The following CELSR1 variants were observed in gnomAD, a reference collection of about 807,000 sequenced individuals.
CELSR1 encodes the protein adhesion G protein-coupled receptor C1.
Under a neutral mutation model 249.1 loss-of-function variants are expected in CELSR1, and 110 were observed. The ratio of observed to expected loss-of-function variants is 0.44; its 90% CI spans 0.38 to 0.52. The LOEUF is 0.52. Ranked by LOEUF, CELSR1 falls within the 20% of genes least tolerant of loss-of-function variation. The pLI is 0.00. For missense variants in CELSR1, 4,109 were observed against 4,296.4 expected (o/e 0.96, Z 1.22); for synonymous variants, 2,113 against 1,900.0 (o/e 1.11, Z -2.92).
chr22:46,391,203 C>T lies in CELSR1; in HGVS notation c.6233G>A (p.Cys2078Tyr). 1.2e-6 allele frequency: 2 copies of T among 1,613,286 alleles called. No homozygotes were observed. Among genetic ancestry groups the T allele is most frequent in the Non-Finnish European group, 1.7e-6 (2 of 1,179,938 alleles). ...CGACTCACCAACGGATCCCTTAGGGCATGGCACCGCAGCCGGCTGCCCGAA... is the reference window on the plus strand; with the variant it reads ...CGACTCACCAACGGATCCCTTAGGGTATGGCACCGCAGCCGGCTGCCCGAA... ...TKFGQPAAVP[C>Y]PKGSVGNAVR... Residue 2078 changes from cysteine to tyrosine, a missense_variant, in exon 16 of 35, where the codon TGC becomes TAC. Coordinates refer to ENST00000674500, the MANE Select transcript of CELSR1 (RefSeq NM_001378328.1). This position sits in a 1 kb window ranked among gnomAD's most constrained non-coding sequence, Gnocchi z 4.3.
At chr22:46,467,076 G>A (rs1772523831) in intron 1 of CELSR1, among the ~76,000 whole-genome samples, 1 of 152,170 alleles carries the variant, frequency 6.6e-6, no homozygotes, top group African/African-American at 2.4e-5. Context: ...CCATTCTGTG[G>A]TATTTTTAAA....
chr22:46,364,692 T>G lies in CELSR1; in HGVS notation c.8599A>C (p.Ser2867Arg). Reference protein sequence around the residue: ...NHVPAGWPDQSLAESDSEDPS... With the variant: ...NHVPAGWPDQRLAESDSEDPS... ...TCCTCACTGTCACTCTCAGCCAGGC[T>G]CTGGTCGGGCCAGCCGGCCGGAACG... Residue 2867 changes from serine (S) to arginine (R), a missense_variant, in exon 33 of 35, where the codon AGC becomes CGC. By Grantham distance (110) the Ser-to-Arg change is moderately radical. Around this residue, in one of 7 missense-constraint regions of CELSR1, gnomAD observed 1,805 missense variants for 1,831.6 expected, o/e 0.99. Coordinates refer to ENST00000674500, the MANE Select transcript of CELSR1 (RefSeq NM_001378328.1). 1 of 1,612,552 alleles carries G rather than the reference T, an allele frequency of 6.2e-7. No homozygotes were observed. Among genetic ancestry groups the G allele is most frequent in the Non-Finnish European group, 8.5e-7 (1 of 1,179,886 alleles).
intron 24 of CELSR1, 50 bp from the exon 25 acceptor site, chr22:46,373,107 G>A (rs915798398): frequency 1.3e-6 from 2 of 1,517,000 alleles, no homozygotes; most frequent in East Asian, 2.4e-5. Flanking sequence ...CCAGGCTGAG[G>A]TCAGACAGGC....
At chr22:46,369,344 G>A (rs1348908347) in intron 26 of CELSR1, 86 bp from the exon 27 acceptor site, 14 of 1,172,252 alleles carry the variant, frequency 1.2e-5, no homozygotes, top group Non-Finnish European at 1.7e-5. Context: ...CCTTCGCCCT[G>A]TCAGGGAGGG....
At chr22:46,507,093 G>A (rs1401220609) in intron 1 of CELSR1, among the ~76,000 whole-genome samples, 4 of 152,176 alleles carry the variant, frequency 2.6e-5, no homozygotes, top group Admixed American at 6.5e-5. Context: ...GGCTGAGGCT[G>A]GAGGATCGCT....
chr22:46,376,963 A>C, intron 24 of CELSR1, 98 bp downstream of exon 24: 1 of 1,227,592 alleles, frequency 8.1e-7, no homozygotes, highest in Non-Finnish European at 1.2e-6. Context: ...GGTGGTGAGG[A>C]GGAGCTAGCC....
rs912258257 is a variant in CELSR1 at position 46,537,269 on chromosome 22, G to A, written c.-99C>T. ...CGAGGCCGGGGAGCGGCTCCCGGGC[G>A]CCCGGCCCTCGGGGCGGTCCGCGTC... On this transcript the variant is annotated 5_prime_UTR_variant, in exon 1 of 35. Coordinates refer to ENST00000674500, the MANE Select transcript of CELSR1 (RefSeq NM_001378328.1). The surrounding 1 kb of genome is among the most constrained non-coding windows in gnomAD (Gnocchi z 5.8). 2 of 999,236 alleles carry A rather than the reference G, an allele frequency of 2.0e-6. No individual in the cohort carries two copies. Among genetic ancestry groups the A allele is most frequent in the Non-Finnish European group, 2.4e-6 (2 of 839,752 alleles). 61.9% of individuals were successfully genotyped at this position (999,236 alleles called of 1,614,324 possible).
chr22:46,496,574 T>A (rs905111892), intron 1 of CELSR1, among the ~76,000 whole-genome samples: 1 of 152,140 alleles, frequency 6.6e-6, no homozygotes, highest in African/African-American at 2.4e-5. Flanking sequence ...TCTCAAAAAA[T>A]ATATATATTT....
At chr22:46,457,828 C>T (rs373359625) in intron 2 of CELSR1, among the ~76,000 whole-genome samples, 13 of 152,174 alleles carry the variant, frequency 8.5e-5, no homozygotes, top group African/African-American at 1.7e-4. Context: ...GGGAAGTGTA[C>T]GTGATTGGAG....
chr22:46,518,968 G>T lies in CELSR1; in HGVS notation c.3544+14659C>A, dbSNP rs2147787391. ...GAATCGCTTAAACCCAGGAGGCAAA[G>T]GTTGCAATGAGCCAAGATTGAGCCA... On this transcript the variant is annotated intron_variant, in intron 1 of 34. Transcript: ENST00000674500. The surrounding 1 kb of genome is among the most constrained non-coding windows in gnomAD (Gnocchi z 5.2). 6.6e-6 allele frequency among the ~76,000 whole-genome samples: 1 copy of T among 152,256 alleles called. No homozygotes were observed. Among genetic ancestry groups the T allele is most frequent in the African/African-American group, 2.4e-5 (1 of 41,558 alleles).
At chr22:46,425,165 TG>T (rs2079523086) in intron 5 of CELSR1, among the ~76,000 whole-genome samples, 1 of 152,186 alleles carries the variant, frequency 6.6e-6, no homozygotes, top group African/African-American at 2.4e-5. Context: ...GTCTCCCATT[TG>T]GGGATATTAT....
Position 46,500,032 on chromosome 22 carries a change from G to C in CELSR1, c.3544+33595C>G, listed in dbSNP as rs989766178. Among the ~76,000 whole-genome samples the C allele has an allele frequency of 6.6e-6, 1 of 151,952 alleles. No homozygotes were observed. The highest frequency in any genetic ancestry group is 1.5e-5 in the Non-Finnish European group (1 of 67,988). On this transcript the variant is annotated intron_variant, in intron 1 of 34. Coordinates refer to ENST00000674500, the MANE Select transcript of CELSR1 (RefSeq NM_001378328.1). The surrounding 1 kb of genome is among the most constrained non-coding windows in gnomAD (Gnocchi z 4.9). ...TCAAGGCTCAGCGGCGACCTCTCCC[G>C]CTTATCTTCCCAAACGGGTTGTTTT...
chr22:46,383,518 C>A (rs1039416977), intron 20 of CELSR1, among the ~76,000 whole-genome samples: 3 of 152,094 alleles, frequency 2.0e-5, no homozygotes, highest in Non-Finnish European at 4.4e-5. Flanking sequence ...ATGCCTATTT[C>A]TATTTAGAAG....
Position 46,536,614 on chromosome 22 carries a change from G to A in CELSR1, c.557C>T (p.Ala186Val). The A allele has an allele frequency of 8.5e-7, 1 of 1,177,028 alleles. No homozygotes were observed. The highest frequency in any genetic ancestry group is 1.0e-6 in the Non-Finnish European group (1 of 955,278). The allele number at this position is 1,177,028 out of a possible 1,614,324, so 72.9% of individuals were successfully genotyped here. A position where few individuals can be genotyped will look rare whatever the true frequency, so the allele number is the denominator to read the frequency against. The change falls in exon 1 of 35, where the codon GCC becomes GTC. Residue 186 changes from alanine to valine, a missense_variant. By Grantham distance (64) the Ala-to-Val change is moderately conservative. This residue lies in a region of CELSR1 where 673 missense variants were observed against 636.8 expected (regional missense o/e 1.06). Transcript: ENST00000674500. The part of the protein sequence containing the change: ...GGSVRLRLLC[A>V]LRRAAGAVRV... ...GACGGCGCCAGCCGCGCGCCGCAGG[G>A]CGCACAGCAGACGCAGGCGGACCGA...
Position 46,445,564 on chromosome 22 carries a change from A to T in CELSR1, c.4184-6153T>A, listed in dbSNP as rs975829200. On this transcript the variant is annotated intron_variant, in intron 2 of 34. Transcript: ENST00000674500. This position sits in a 1 kb window ranked among gnomAD's most constrained non-coding sequence, Gnocchi z 4.4. Reference sequence around the variant, plus strand: ...TCCACCCTAAATCCACGATGACTTAAGGACCCAAACTCATTACATCTGGAA... The same window carrying T: ...TCCACCCTAAATCCACGATGACTTATGGACCCAAACTCATTACATCTGGAA... Among the ~76,000 whole-genome samples the T allele has an allele frequency of 6.6e-6, 1 of 152,176 alleles. No homozygotes were observed. Among genetic ancestry groups the T allele is most frequent in the African/African-American group, 2.4e-5 (1 of 41,440 alleles).
intron 5 of CELSR1, among the ~76,000 whole-genome samples, chr22:46,418,758 A>C (rs1373604130): frequency 6.6e-6 from 1 of 152,246 alleles, no homozygotes; most frequent in Non-Finnish European, 1.5e-5. Flanking sequence ...AGTTTTCAAC[A>C]AAGGTCAGAA....
intron 1 of CELSR1, among the ~76,000 whole-genome samples, chr22:46,516,452 T>C (rs2147780795): frequency 6.6e-6 from 1 of 151,886 alleles, no homozygotes; most frequent in African/African-American, 2.4e-5. Flanking sequence ...CACCGGGGCC[T>C]GTTGTGGGGT....
In CELSR1 at chr22:46,361,487, G is replaced by T. The variant is rs1483665889; in HGVS notation, c.*1736C>A. The T allele has an allele frequency of 1.3e-5, 2 of 152,306 alleles. No homozygotes were observed. The highest frequency in any genetic ancestry group is 4.8e-5 in the African/African-American group (2 of 41,446). The allele number at this position is 152,306 out of a possible 1,614,324, so 9.4% of individuals were successfully genotyped here. A position where few individuals can be genotyped will look rare whatever the true frequency, so the allele number is the denominator to read the frequency against. On this transcript the variant is annotated 3_prime_UTR_variant, in exon 35 of 35. Coordinates refer to ENST00000674500, the MANE Select transcript of CELSR1 (RefSeq NM_001378328.1). ...AAGTCATGAAAGGAGACTGTTCGAA[G>T]ACTTAAAAACCTTTTCGTACTTAGG...
rs560511622 is a variant in CELSR1, at chr22:46,448,156, C to T, written c.4184-8745G>A. 2.0e-4 allele frequency among the ~76,000 whole-genome samples: 30 copies of T among 152,274 alleles called. No individual in the cohort carries two copies. Among genetic ancestry groups the T allele is most frequent in the Admixed American group, 7.2e-4 (11 of 15,296 alleles). On this transcript the variant is annotated intron_variant, in intron 2 of 34. Coordinates refer to ENST00000674500, the MANE Select transcript of CELSR1 (RefSeq NM_001378328.1). This position sits in a 1 kb window ranked among gnomAD's most constrained non-coding sequence, Gnocchi z 5.7. The stretch of plus-strand genomic sequence containing the variant: ...CAGCAAACGGCTTACCTGCTGCAGG[C>T]GGGGGCTGGGTGCTGGGTGTGCTCC...
Sources: allele counts gnomAD v4.1 joint callset (sites outside exome capture counted in the v4.1 genomes callset), GRCh38; gene constraint gnomAD v4.1.1; regional missense constraint gnomAD v4.1.1; non-coding constraint Gnocchi (gnomAD v3.1); transcripts MANE v1.5; gene names NCBI Gene and HGNC (gene_info 2026-07-23, HGNC 2026-07-21).